ST8SIA6: variants seen among roughly 807,000 people sequenced by gnomAD.
ST8SIA6 encodes the protein alpha-2,8-sialyltransferase 8F.
A neutral mutation model predicts 33.6 loss-of-function variants in ST8SIA6; 39 were observed. That is an observed-to-expected ratio of 1.16 (90% CI 0.90 to 1.52). The LOEUF (loss-of-function observed/expected upper bound fraction) is 1.52, where lower values mean the gene tolerates loss of function less well. Ranked by LOEUF, ST8SIA6 falls within the 40% of genes most tolerant of loss-of-function variation. ST8SIA6 has a pLI of 0.00. For synonymous variants in ST8SIA6, 172 were observed against 167.2 expected (o/e 1.03, Z -0.22); for missense variants, 441 against 443.8 (o/e 0.99, Z 0.06).
chr10:17,380,914 TGTGC>T (rs59043243), intron 3 of ST8SIA6, among the ~76,000 whole-genome samples: 42,341 of 143,304 alleles, frequency 0.3, 6,602 homozygotes, highest in East Asian at 0.64. Context: ...TATGTGTGTT[TGTGC>T]GTGTGTGTGT....
chr10:17,431,462 GA>G (rs745454961), intron 2 of ST8SIA6, among the ~76,000 whole-genome samples: 4 of 151,886 alleles, frequency 2.6e-5, no homozygotes, highest in African/African-American at 9.7e-5. Context: ...TAAGGGGGGG[GA>G]AAGGGTGTGA....
At chr10:17,393,919 T>G (rs1850711705) in intron 2 of ST8SIA6, among the ~76,000 whole-genome samples, 1 of 152,222 alleles carries the variant, frequency 6.6e-6, no homozygotes. Flanking sequence ...TAATTCATTC[T>G]CCACGCATCA....
chr10:17,451,531 C>T (rs1852910932), intron 2 of ST8SIA6, among the ~76,000 whole-genome samples: 1 of 152,098 alleles, frequency 6.6e-6, no homozygotes, highest in African/African-American at 2.4e-5. Context: ...GGCAATATAT[C>T]CATGTAACAA....
At chr10:17,385,478 G>C (rs1161045040) in intron 3 of ST8SIA6, among the ~76,000 whole-genome samples, 1 of 151,666 alleles carries the variant, frequency 6.6e-6, no homozygotes, top group African/African-American at 2.4e-5. Context: ...GGAAAAAGGA[G>C]TCAGCAAAGG....
At chr10:17,419,903 A>C (rs1238363834) in intron 2 of ST8SIA6, among the ~76,000 whole-genome samples, 1 of 152,200 alleles carries the variant, frequency 6.6e-6, no homozygotes, top group Admixed American at 6.5e-5. Flanking sequence ...ATCTGATATC[A>C]TGCAGTCATG....
intron 4 of ST8SIA6, among the ~76,000 whole-genome samples, chr10:17,340,279 T>C (rs929207039): frequency 6.6e-6 from 1 of 152,148 alleles, no homozygotes; most frequent in Non-Finnish European, 1.5e-5. Context: ...TGCTTCGTCC[T>C]GAGTCACCCT....
At chr10:17,407,031 A>G (rs983930886) in intron 2 of ST8SIA6, among the ~76,000 whole-genome samples, 4 of 152,084 alleles carry the variant, frequency 2.6e-5, no homozygotes, top group African/African-American at 9.7e-5. Flanking sequence ...ACCTCAGGTG[A>G]TCTGCCTGCC....
At chr10:17,354,062 T>G (rs544291861) in intron 4 of ST8SIA6, among the ~76,000 whole-genome samples, 2 of 152,156 alleles carry the variant, frequency 1.3e-5, no homozygotes, top group Admixed American at 1.3e-4. Flanking sequence ...GCTAATGCAG[T>G]AATTACCATG....
intron 2 of ST8SIA6, among the ~76,000 whole-genome samples, chr10:17,400,298 C>T (rs186046884): frequency 2.1e-4 from 32 of 152,126 alleles, no homozygotes; most frequent in East Asian, 5.8e-4. Flanking sequence ...TTTGGGAGGC[C>T]GAGGTTGGTG....
chr10:17,419,273 T>C (rs1851704504), intron 2 of ST8SIA6, among the ~76,000 whole-genome samples: 1 of 152,080 alleles, frequency 6.6e-6, no homozygotes, highest in Non-Finnish European at 1.5e-5. Flanking sequence ...GGCTCACACC[T>C]GTAATCCCAG....
chr10:17,396,548 C>T (rs1183937621), intron 2 of ST8SIA6, among the ~76,000 whole-genome samples: 1 of 152,088 alleles, frequency 6.6e-6, no homozygotes, highest in East Asian at 1.9e-4. Context: ...TACAAGCCAC[C>T]CTGACTTTCC....
At chr10:17,429,387 T>C (rs1852032128) in intron 2 of ST8SIA6, among the ~76,000 whole-genome samples, 3 of 150,730 alleles carry the variant, frequency 2.0e-5, no homozygotes, top group Admixed American at 2.0e-4. Flanking sequence ...ATTCAGCTTT[T>C]CTTTTACTTG....
chr10:17,416,925 C>T (rs111705151), intron 2 of ST8SIA6, among the ~76,000 whole-genome samples: 2,170 of 152,286 alleles, frequency 0.014, 21 homozygotes, highest in African/African-American at 0.031. Context: ...CATAACCTGA[C>T]TTAGTAGGTC....
chr10:17,323,621 G>T (rs1293101555), intron 6 of ST8SIA6, among the ~76,000 whole-genome samples: 2 of 151,958 alleles, frequency 1.3e-5, no homozygotes, highest in Admixed American at 1.3e-4. Context: ...ATGACCTCAA[G>T]TGATCCACCT....
chr10:17,383,468 C>A (rs411574), intron 3 of ST8SIA6, among the ~76,000 whole-genome samples: 47,359 of 151,916 alleles, frequency 0.31, 8,019 homozygotes, highest in East Asian at 0.64. Flanking sequence ...TTCTGATATA[C>A]CTTAGTGTAC....
At chr10:17,324,015 G>T (rs1848047944) in intron 6 of ST8SIA6, among the ~76,000 whole-genome samples, 1 of 152,110 alleles carries the variant, frequency 6.6e-6, no homozygotes, top group Non-Finnish European at 1.5e-5. Flanking sequence ...TGTTCTTATA[G>T]TGATGTTTTC....
At chr10:17,429,500 C>T (rs1402512184) in intron 2 of ST8SIA6, among the ~76,000 whole-genome samples, 1 of 152,000 alleles carries the variant, frequency 6.6e-6, no homozygotes, top group Non-Finnish European at 1.5e-5. Flanking sequence ...GCCCTTCCAA[C>T]TGCCTCTCCT....
intron 3 of ST8SIA6, among the ~76,000 whole-genome samples, chr10:17,372,383 A>G (rs1347239975): frequency 6.6e-6 from 1 of 152,216 alleles, no homozygotes; most frequent in Non-Finnish European, 1.5e-5. Context: ...TTCTGACTTA[A>G]AATTCTGCTG....
chr10:17,408,201 C>T (rs1055018771), intron 2 of ST8SIA6: 3 of 152,496 alleles, frequency 2.0e-5, no homozygotes, highest in African/African-American at 7.3e-5. Context: ...GGATGACGAC[C>T]GAAGAAACCC....
Sources: gnomAD v4.1 joint callset for allele counts (sites outside exome capture counted in the v4.1 genomes callset) on GRCh38, gnomAD v4.1.1 for gene constraint, MANE v1.5 for transcripts, NCBI Gene and HGNC (gene_info 2026-07-23, HGNC 2026-07-21) for gene names.